DCAF8L2: variants seen among roughly 807,000 people sequenced by gnomAD.
The protein encoded by DCAF8L2 is DDB1 and CUL4 associated factor 8 like 2.
For missense variants in DCAF8L2, 430 were observed against 490.7 expected (o/e 0.88, Z 1.17); for synonymous variants, 200 against 190.9 (o/e 1.05, Z -0.39).
chrX:27,519,707 G>A, the DCAF8L2 span: 16 of 573,738 alleles, frequency 2.8e-5, no homozygotes, highest in South Asian at 1.4e-4. Flanking sequence ...AAAAATGCGC[G>A]TGTTAAGAAG....
At chrX:27,655,344 A>C (rs112046423) in intron 2 of DCAF8L2, among the ~76,000 whole-genome samples, 74 of 112,406 alleles carry the variant, frequency 6.6e-4, no homozygotes, top group African/African-American at 2.0e-3. Context: ...AGCAATAGTC[A>C]TCTATATGCA....
the DCAF8L2 span, among the ~76,000 whole-genome samples, chrX:27,470,801 C>A: frequency 8.9e-6 from 1 of 111,865 alleles, no homozygotes; most frequent in East Asian, 2.8e-4. Context: ...AGAACAATAA[C>A]TGCATTGGTT....
At chrX:27,502,062 T>G in the DCAF8L2 span, among the ~76,000 whole-genome samples, 1 of 107,722 alleles carries the variant, frequency 9.3e-6, no homozygotes, top group Non-Finnish European at 1.9e-5. Context: ...GGCTCACACC[T>G]GTAATCCCAG....
intron 3 of DCAF8L2, among the ~76,000 whole-genome samples, chrX:27,709,002 C>A (rs1439992022): frequency 8.9e-6 from 1 of 112,403 alleles, no homozygotes; most frequent in African/African-American, 3.2e-5. Flanking sequence ...TCACCACAAC[C>A]TCGGCCTCCC....
the DCAF8L2 span, among the ~76,000 whole-genome samples, chrX:27,487,182 T>C: frequency 2.7e-5 from 3 of 112,515 alleles, no homozygotes; most frequent in Non-Finnish European, 3.8e-5. Flanking sequence ...GCTATACTTA[T>C]ATTAATTTTA....
the DCAF8L2 span, chrX:27,517,996 C>T: frequency 5.3e-6 from 6 of 1,138,857 alleles, no homozygotes; most frequent in African/African-American, 3.6e-5. Flanking sequence ...TCCTACATGG[C>T]TTAAACTAAA....
chrX:27,713,183 A>T (rs921634132), intron 3 of DCAF8L2, among the ~76,000 whole-genome samples: 1 of 111,808 alleles, frequency 8.9e-6, no homozygotes, highest in Non-Finnish European at 1.9e-5. Flanking sequence ...TGAGGACTGA[A>T]AGGAGACATT....
the DCAF8L2 span, among the ~76,000 whole-genome samples, chrX:27,489,414 A>C: frequency 1.8e-5 from 2 of 112,682 alleles, no homozygotes; most frequent in African/African-American, 6.4e-5. Flanking sequence ...GAGTTTTAAT[A>C]GTGATGGTTT....
the DCAF8L2 span, among the ~76,000 whole-genome samples, chrX:27,480,763 G>T: frequency 9.0e-6 from 1 of 111,379 alleles, no homozygotes; most frequent in Non-Finnish European, 1.9e-5. Context: ...TTCATAACTT[G>T]CCTTCTATAT....
intron 1 of DCAF8L2, among the ~76,000 whole-genome samples, chrX:27,616,990 T>C (rs1214298808): frequency 1.8e-5 from 2 of 111,778 alleles, no homozygotes; most frequent in Non-Finnish European, 3.8e-5. Flanking sequence ...GGAACTACCC[T>C]ACTGAGGTTT....
At chrX:27,715,880 A>C (rs905568496) in intron 3 of DCAF8L2, among the ~76,000 whole-genome samples, 3 of 112,195 alleles carry the variant, frequency 2.7e-5, no homozygotes, top group Non-Finnish European at 5.6e-5. Context: ...ATGGATATAA[A>C]TATTTTTGCT....
intron 1 of DCAF8L2, among the ~76,000 whole-genome samples, chrX:27,601,945 T>G (rs1926662968): frequency 9.0e-6 from 1 of 111,724 alleles, no homozygotes; most frequent in Non-Finnish European, 1.9e-5. Flanking sequence ...TTATTTTTTC[T>G]AATGTTTCTT....
chrX:27,619,004 A>ATCT (rs1555919667), intron 1 of DCAF8L2, among the ~76,000 whole-genome samples: 5 of 101,664 alleles, frequency 4.9e-5, no homozygotes, highest in African/African-American at 1.8e-4. Context: ...ATCTATATCT[A>ATCT]ATCTATCTAT....
intron 2 of DCAF8L2, among the ~76,000 whole-genome samples, chrX:27,666,311 A>G (rs1057030238): frequency 5.4e-5 from 6 of 111,965 alleles, no homozygotes; most frequent in Non-Finnish European, 1.1e-4. Flanking sequence ...CCTCAGAGAA[A>G]ATTGGGAGGT....
chrX:27,614,927 C>T (rs960648189), intron 1 of DCAF8L2, among the ~76,000 whole-genome samples: 9 of 111,151 alleles, frequency 8.1e-5, no homozygotes, highest in African/African-American at 2.9e-4. Flanking sequence ...TTCCATACCC[C>T]GAGACACTGC....
intron 2 of DCAF8L2, 108 bp downstream of exon 2, chrX:27,632,108 T>C (rs2147173122): frequency 9.0e-6 from 1 of 111,579 alleles, no homozygotes; most frequent in African/African-American, 3.3e-5. Flanking sequence ...TCTTCTTCCC[T>C]CAAGCAGAAA....
intron 1 of DCAF8L2, among the ~76,000 whole-genome samples, chrX:27,591,113 T>G (rs999585451): frequency 9.3e-6 from 1 of 107,148 alleles, no homozygotes; most frequent in African/African-American, 3.3e-5. Flanking sequence ...ATGCTGGGGG[T>G]TTTTCTTCAT....
chrX:27,664,738 C>G (rs891054858), intron 2 of DCAF8L2, among the ~76,000 whole-genome samples: 1 of 111,328 alleles, frequency 9.0e-6, no homozygotes. Context: ...TAAGTTAAAG[C>G]CAGAATTCAT....
intron 2 of DCAF8L2, among the ~76,000 whole-genome samples, chrX:27,642,321 A>G (rs1486122417): frequency 3.6e-5 from 4 of 111,203 alleles, no homozygotes; most frequent in Non-Finnish European, 7.5e-5. Flanking sequence ...TTGCCTCTCA[A>G]CTGAGTCAAC....
Sources: allele counts gnomAD v4.1 joint callset (sites outside exome capture counted in the v4.1 genomes callset), GRCh38; gene constraint gnomAD v4.1.1; transcripts MANE v1.5; gene names NCBI Gene and HGNC (gene_info 2026-07-23, HGNC 2026-07-21).